CACNB4: variants seen among roughly 807,000 people sequenced by gnomAD.
CACNB4 encodes the protein calcium voltage-gated channel auxiliary subunit beta 4.
In CACNB4, 32 loss-of-function variants were observed where a neutral mutation model predicts 71.2. The ratio of observed to expected loss-of-function variants is 0.45; its 90% CI spans 0.34 to 0.60. CACNB4 has a LOEUF of 0.60. Ranked by LOEUF, CACNB4 falls within the 20% of genes least tolerant of loss-of-function variation. The pLI is 0.01. For missense variants in CACNB4, 464 were observed against 647.9 expected (o/e 0.72, Z 3.08); for synonymous variants, 231 against 236.9 (o/e 0.97, Z 0.23).
chr2:152,098,940 G>T lies in CACNB4; in HGVS notation c.63+9C>A. 2.0e-6 allele frequency: 3 copies of T among 1,472,768 alleles called. No individual in the cohort carries two copies. Among genetic ancestry groups the T allele is most frequent in the Non-Finnish European group, 2.7e-6 (3 of 1,099,654 alleles). The allele number at this position is 1,472,768 out of a possible 1,614,324, so 91.2% of individuals were successfully genotyped here. A position where few individuals can be genotyped will look rare whatever the true frequency, so the allele number is the denominator to read the frequency against. ...GAGGAAGAGGAGAAGGGGGAGGAGG[G>T]GGCGGTACCTGCGAGGTGGGGGAGT... On this transcript the variant is annotated intron_variant, in intron 1 of 13. Coordinates refer to ENST00000539935, the MANE Select transcript of CACNB4 (RefSeq NM_000726.5). The surrounding 1 kb of genome is among the most constrained non-coding windows in gnomAD (Gnocchi z 5.3).
chr2:152,001,526 TAA>T (rs70974816), intron 2 of CACNB4, among the ~76,000 whole-genome samples: 418 of 35,460 alleles, frequency 0.012, 3 homozygotes, highest in African/African-American at 0.022. Flanking sequence ...CCATCTCTAC[TAA>T]AAAAAAAAAA....
At chr2:151,868,525 T>C (rs2099843757) in intron 9 of CACNB4, 1 of 152,180 alleles carries the variant, frequency 6.6e-6, no homozygotes, top group African/African-American at 2.4e-5. Context: ...TTCACAAAAC[T>C]TAAATGATAA....
At chr2:151,935,720 A>G (rs986772902) in intron 2 of CACNB4, among the ~76,000 whole-genome samples, 13 of 152,366 alleles carry the variant, frequency 8.5e-5, no homozygotes, top group African/African-American at 3.1e-4. Context: ...AATTATCAAA[A>G]CATGCAATGT....
intron 2 of CACNB4, among the ~76,000 whole-genome samples, chr2:151,923,563 TG>T (rs1217257228): frequency 2.0e-5 from 3 of 152,224 alleles, no homozygotes; most frequent in African/African-American, 7.2e-5. Flanking sequence ...GAGGCCCGGA[TG>T]GCATCTAGCT....
chr2:151,861,895 G>A (rs1406394424), intron 9 of CACNB4, among the ~76,000 whole-genome samples: 3 of 146,982 alleles, frequency 2.0e-5, no homozygotes, highest in East Asian at 4.1e-4. Context: ...AATAAATGCA[G>A]AGGGGCATCT....
intron 2 of CACNB4, among the ~76,000 whole-genome samples, chr2:152,080,171 G>C (rs532111298): frequency 6.6e-6 from 1 of 151,998 alleles, no homozygotes; most frequent in East Asian, 1.9e-4. Flanking sequence ...GCCCAGGCTG[G>C]AGTGCAGTGG....
At chr2:151,855,498 A>G in intron 10 of CACNB4, 123 bp from the exon 11 acceptor site, 1 of 726,678 alleles carries the variant, frequency 1.4e-6, no homozygotes, top group Non-Finnish European at 2.1e-6. Context: ...TTAAATTTTC[A>G]TAGTCCTGTC....
intron 12 of CACNB4, chr2:151,853,228 G>A (rs540967534): frequency 2.4e-4 from 113 of 461,928 alleles, no homozygotes; most frequent in Middle Eastern, 2.3e-3. Context: ...AACAGACCCC[G>A]GACACTAAGT....
At chr2:152,024,645 T>A (rs558451011) in intron 2 of CACNB4, among the ~76,000 whole-genome samples, 1 of 152,360 alleles carries the variant, frequency 6.6e-6, no homozygotes, top group Non-Finnish European at 1.5e-5. Context: ...ATGATAGGGA[T>A]CCACAGCATC....
intron 10 of CACNB4, chr2:151,859,958 C>G (rs934046373): frequency 6.6e-6 from 1 of 151,952 alleles, no homozygotes; most frequent in African/African-American, 2.4e-5. Context: ...ATGGAAGAGC[C>G]CTATTTATCC....
At chr2:152,040,789 A>G (rs1370858526) in intron 2 of CACNB4, among the ~76,000 whole-genome samples, 3 of 152,216 alleles carry the variant, frequency 2.0e-5, no homozygotes, top group Non-Finnish European at 2.9e-5. Flanking sequence ...AAACCTTTAC[A>G]ACTCATCTAA....
intron 4 of CACNB4, 108 bp downstream of exon 4, chr2:151,880,692 A>G: frequency 8.8e-7 from 1 of 1,136,754 alleles, no homozygotes; most frequent in Non-Finnish European, 1.3e-6. Context: ...TAAATCATGT[A>G]CTGCACTGGC....
chr2:151,888,483 T>C (rs1466134816), intron 2 of CACNB4, among the ~76,000 whole-genome samples: 1 of 152,154 alleles, frequency 6.6e-6, no homozygotes, highest in African/African-American at 2.4e-5. Flanking sequence ...GGAGGATTGC[T>C]TGAGCCCGGG....
At chr2:151,960,635 T>C (rs1297916055) in intron 2 of CACNB4, among the ~76,000 whole-genome samples, 1 of 152,200 alleles carries the variant, frequency 6.6e-6, no homozygotes, top group Non-Finnish European at 1.5e-5. Flanking sequence ...ATCCCAGTGA[T>C]GGGTTACATG....
chr2:152,066,577 T>A lies in CACNB4; in HGVS notation c.147+31753A>T, dbSNP rs552046639. Among the ~76,000 whole-genome samples, 5 of 149,638 alleles carry A rather than the reference T, an allele frequency of 3.3e-5. No individual in the cohort carries two copies. In the South Asian group the frequency reaches 8.6e-4, roughly 26 times the overall value. ...TAAACTAGTTCAACCATTGTGGAAGTCAGTGTGGCGATTCCTCAGGGATCT... is the reference window on the plus strand; with the variant it reads ...TAAACTAGTTCAACCATTGTGGAAGACAGTGTGGCGATTCCTCAGGGATCT... On this transcript the variant is annotated intron_variant, in intron 2 of 13. Coordinates refer to ENST00000539935, the MANE Select transcript of CACNB4 (RefSeq NM_000726.5).
At chr2:151,991,535 G>A (rs1166726088) in intron 2 of CACNB4, among the ~76,000 whole-genome samples, 6 of 152,134 alleles carry the variant, frequency 3.9e-5, no homozygotes, top group Admixed American at 6.5e-5. Context: ...ATTAGGTGAC[G>A]AATTCTGAAA....
intron 2 of CACNB4, among the ~76,000 whole-genome samples, chr2:152,071,445 A>T (rs1052508299): frequency 2.0e-5 from 3 of 152,216 alleles, no homozygotes; most frequent in Admixed American, 1.3e-4. Context: ...CTAAACATGA[A>T]TTTGCAGTAA....
chr2:152,093,793 T>C (rs1340002275), intron 2 of CACNB4, among the ~76,000 whole-genome samples: 1 of 152,214 alleles, frequency 6.6e-6, no homozygotes, highest in East Asian at 1.9e-4. Flanking sequence ...AGTGCCCATA[T>C]AACATCATAC....
intron 2 of CACNB4, among the ~76,000 whole-genome samples, chr2:152,031,148 C>T (rs753273348): frequency 1.3e-5 from 2 of 152,152 alleles, no homozygotes; most frequent in Non-Finnish European, 2.9e-5. Context: ...AGAAGAATGA[C>T]CATCATCCTG....
Sources: gnomAD v4.1 joint callset for allele counts (sites outside exome capture counted in the v4.1 genomes callset) on GRCh38, gnomAD v4.1.1 for gene constraint, Gnocchi (gnomAD v3.1) non-coding constraint, MANE v1.5 for transcripts, NCBI Gene and HGNC (gene_info 2026-07-23, HGNC 2026-07-21) for gene names.